UST: variants seen among roughly 807,000 people sequenced by gnomAD.
UST encodes the protein uronyl 2-sulfotransferase.
Under a neutral mutation model 45.6 loss-of-function variants are expected in UST, and 21 were observed. The ratio of observed to expected loss-of-function variants is 0.46; its 90% CI spans 0.33 to 0.66. The LOEUF is 0.66. Ranked by LOEUF, UST falls within the 30% of genes least tolerant of loss-of-function variation. UST has a pLI of 0.02. For missense variants in UST, 463 were observed against 512.4 expected, an observed-to-expected ratio of 0.90 and a Z score of 0.93; for synonymous variants, 215 against 200.6, an observed-to-expected ratio of 1.07 and a Z score of -0.61.
At chr6:148,749,885 A>G (rs1338040890) in intron 1 of UST, among the ~76,000 whole-genome samples, 1 of 152,204 alleles carries the variant, frequency 6.6e-6, no homozygotes, top group African/African-American at 2.4e-5. Flanking sequence ...GTGAACTGAA[A>G]ATAGAATACC....
At chr6:148,783,041 A>G (rs1345926889) in intron 1 of UST, among the ~76,000 whole-genome samples, 1 of 152,224 alleles carries the variant, frequency 6.6e-6, no homozygotes, top group African/African-American at 2.4e-5. Flanking sequence ...AGAAAGTGCC[A>G]TAGCCACCGC....
chr6:148,883,851 G>T (rs1470690669), intron 1 of UST, among the ~76,000 whole-genome samples: 1 of 152,142 alleles, frequency 6.6e-6, no homozygotes, highest in Non-Finnish European at 1.5e-5. Context: ...AAAACACTGG[G>T]CCAGGCGCAG....
intron 7 of UST, among the ~76,000 whole-genome samples, chr6:149,025,354 A>T (rs1487652048): frequency 6.6e-6 from 1 of 152,210 alleles, no homozygotes; most frequent in Non-Finnish European, 1.5e-5. Flanking sequence ...TTTGCATTTT[A>T]TGGAGACAGA....
intron 1 of UST, among the ~76,000 whole-genome samples, chr6:148,848,253 C>T (rs1426533631): frequency 6.6e-6 from 1 of 152,190 alleles, no homozygotes; most frequent in East Asian, 1.9e-4. Context: ...TCAAGGAAGA[C>T]AGCAGAGTCT....
chr6:148,977,935 G>T (rs920890926), intron 5 of UST, among the ~76,000 whole-genome samples: 3 of 151,988 alleles, frequency 2.0e-5, no homozygotes, highest in African/African-American at 4.8e-5. Flanking sequence ...CTTTCCATTT[G>T]CTCAGAACTT....
intron 2 of UST, among the ~76,000 whole-genome samples, chr6:148,910,409 G>A (rs1430690887): frequency 6.6e-6 from 1 of 152,096 alleles, no homozygotes; most frequent in Non-Finnish European, 1.5e-5. Flanking sequence ...CAAAGTGCTG[G>A]CATTACAGGC....
chr6:149,053,355 A>G (rs567089727), intron 7 of UST, among the ~76,000 whole-genome samples: 1 of 152,346 alleles, frequency 6.6e-6, no homozygotes, highest in Admixed American at 6.5e-5. Context: ...ATATTTCCAC[A>G]AAGCCCTTTG....
chr6:148,950,851 A>T (rs1197249713), intron 3 of UST, among the ~76,000 whole-genome samples: 2 of 152,212 alleles, frequency 1.3e-5, no homozygotes, highest in African/African-American at 4.8e-5. Flanking sequence ...AGACTCTGAC[A>T]GCTTCCTAAC....
chr6:148,881,039 A>C (rs1270342330), intron 1 of UST, among the ~76,000 whole-genome samples: 1 of 152,128 alleles, frequency 6.6e-6, no homozygotes, highest in African/African-American at 2.4e-5. Flanking sequence ...AAAAAAAAAA[A>C]AAAAATTAAA....
intron 1 of UST, among the ~76,000 whole-genome samples, chr6:148,821,186 G>A (rs373002975): frequency 4.0e-5 from 6 of 151,262 alleles, no homozygotes; most frequent in Admixed American, 1.3e-4. Flanking sequence ...GGATAGGCTG[G>A]TCTCCAACTC....
chr6:148,864,213 C>T (rs1778379109), intron 1 of UST, among the ~76,000 whole-genome samples: 2 of 152,248 alleles, frequency 1.3e-5, no homozygotes, highest in Admixed American at 6.5e-5. Flanking sequence ...GCAGGCGCCC[C>T]TCCCCCAGCC....
At chr6:149,028,257 G>T (rs1776080120) in intron 7 of UST, among the ~76,000 whole-genome samples, 2 of 152,186 alleles carry the variant, frequency 1.3e-5, no homozygotes, top group Non-Finnish European at 2.9e-5. Flanking sequence ...CTAAGCCTCA[G>T]TTTCCCCATC....
intron 1 of UST, among the ~76,000 whole-genome samples, chr6:148,773,978 A>G (rs1009081044): frequency 6.6e-6 from 1 of 152,202 alleles, no homozygotes; most frequent in African/African-American, 2.4e-5. Flanking sequence ...GACTTTATAA[A>G]GAAGCTTATC....
At chr6:148,870,587 C>A (rs781523931) in intron 1 of UST, among the ~76,000 whole-genome samples, 7 of 152,164 alleles carry the variant, frequency 4.6e-5, no homozygotes, top group Non-Finnish European at 1.0e-4. Flanking sequence ...GTGCGCCTGC[C>A]CTTCTCTTGC....
At chr6:148,877,322 TC>T (rs1419864293) in intron 1 of UST, among the ~76,000 whole-genome samples, 2 of 52,774 alleles carry the variant, frequency 3.8e-5, no homozygotes, top group Admixed American at 5.0e-4. Context: ...AGTGTGGGTA[TC>T]GTGTACAAGT....
chr6:148,835,853 A>G (rs564423007), intron 1 of UST, among the ~76,000 whole-genome samples: 1 of 152,184 alleles, frequency 6.6e-6, no homozygotes, highest in African/African-American at 2.4e-5. Context: ...TTTCAAATTT[A>G]TGGCTGTTTT....
chr6:148,790,260 C>T lies in UST; in HGVS notation c.247+42583C>T, dbSNP rs73602903. On this transcript the variant is annotated intron_variant, in intron 1 of 7. Coordinates refer to ENST00000367463, the MANE Select transcript of UST (RefSeq NM_005715.3). This position sits in a 1 kb window ranked among gnomAD's most constrained non-coding sequence, Gnocchi z 4.2. ...CGTGCTAATCTCACTCCGTGCTCTT[C>T]TGTGCCTCCAACTGGAATGAAAGCT... Among the ~76,000 whole-genome samples, 21,981 of 152,156 alleles carry T rather than the reference C, an allele frequency of 0.14. 1,619 individuals are homozygous for T. The highest frequency in any genetic ancestry group is 0.21 in the South Asian group (998 of 4,816).
intron 1 of UST, among the ~76,000 whole-genome samples, chr6:148,846,049 G>C (rs1777981260): frequency 1.4e-5 from 2 of 145,564 alleles, no homozygotes; most frequent in Admixed American, 1.4e-4. Flanking sequence ...CGATTCCTCA[G>C]GGATCTAGAA....
chr6:149,046,143 C>T (rs1394985308), intron 7 of UST, among the ~76,000 whole-genome samples: 5 of 152,234 alleles, frequency 3.3e-5, no homozygotes, highest in South Asian at 4.1e-4. Flanking sequence ...TGGAGTATAT[C>T]GTGCATCCCT....
Sources: allele counts gnomAD v4.1 joint callset (sites outside exome capture counted in the v4.1 genomes callset), GRCh38; gene constraint gnomAD v4.1.1; non-coding constraint Gnocchi (gnomAD v3.1); transcripts MANE v1.5; gene names NCBI Gene and HGNC (gene_info 2026-07-23, HGNC 2026-07-21).